TRPM3: variants seen among roughly 807,000 people sequenced by gnomAD.
The protein encoded by TRPM3 is long transient receptor potential channel 3.
A neutral mutation model predicts 181.2 loss-of-function variants in TRPM3; 77 were observed. The observed-to-expected ratio is 0.42, with a 90% CI of 0.35 to 0.51. TRPM3 has a LOEUF of 0.51. Among genes scored for constraint, TRPM3 ranks in the 20% least tolerant of loss-of-function variants. The probability of loss-of-function intolerance (pLI) is 0.01; values close to 1 mark genes in which losing one functional copy is unlikely to be tolerated. For synonymous variants in TRPM3, 745 were observed against 796.4 expected (o/e 0.94, Z 1.09); for missense variants, 1,759 against 2,196.7 (o/e 0.80, Z 3.98).
In TRPM3 at chr9:70,613,700, T is replaced by C. The variant is rs563500371; in HGVS notation, c.2526+2208A>G. Among the ~76,000 whole-genome samples, 4 of 152,336 alleles carry C rather than the reference T, an allele frequency of 2.6e-5. No individual in the cohort carries two copies. In the East Asian group the frequency reaches 5.8e-4, roughly 22 times the overall value. On this transcript the variant is annotated intron_variant, in intron 18 of 25. Coordinates refer to ENST00000677713, the MANE Select transcript of TRPM3 (RefSeq NM_001366145.2). Reference sequence around the variant, plus strand: ...CTGTTTCTGCCTGTGGAGAAGAAGCTTGGGCAGCAAAGCTCTTGCAGAACC... The same window carrying C: ...CTGTTTCTGCCTGTGGAGAAGAAGCCTGGGCAGCAAAGCTCTTGCAGAACC...
chr9:70,564,349 C>A (rs2049971034), intron 22 of TRPM3, among the ~76,000 whole-genome samples: 1 of 152,146 alleles, frequency 6.6e-6, no homozygotes, highest in South Asian at 2.1e-4. Flanking sequence ...CGCAACAATA[C>A]ACCTTTCTGA....
intron 1 of TRPM3, among the ~76,000 whole-genome samples, chr9:70,901,384 A>G (rs953281036): frequency 1.4e-4 from 21 of 152,264 alleles, no homozygotes; most frequent in African/African-American, 4.8e-4. Context: ...CACATTCTAA[A>G]GGCATATTTA....
intron 1 of TRPM3, among the ~76,000 whole-genome samples, chr9:71,134,961 G>A (rs1316711193): frequency 6.6e-6 from 1 of 152,004 alleles, no homozygotes; most frequent in African/African-American, 2.4e-5. Context: ...GAAAAGACTG[G>A]GCAAGAGGTA....
intron 7 of TRPM3, among the ~76,000 whole-genome samples, chr9:70,776,891 G>A (rs1253130529): frequency 6.6e-6 from 1 of 152,158 alleles, no homozygotes; most frequent in Admixed American, 6.6e-5. Context: ...ATCACCTGGG[G>A]TTTGGGTTTC....
At chr9:70,665,828 G>A (rs1225608526) in intron 9 of TRPM3, among the ~76,000 whole-genome samples, 1 of 152,112 alleles carries the variant, frequency 6.6e-6, no homozygotes, top group African/African-American at 2.4e-5. Flanking sequence ...GTATTTTCTG[G>A]AATTATTGCA....
chr9:71,088,199 G>T (rs1308346208), intron 1 of TRPM3, among the ~76,000 whole-genome samples: 1 of 152,114 alleles, frequency 6.6e-6, no homozygotes, highest in Admixed American at 6.6e-5. Flanking sequence ...CTGAGAGACA[G>T]AAGTATTTAT....
At chr9:71,438,417 C>G (rs771581254) in intron 1 of TRPM3, among the ~76,000 whole-genome samples, 11 of 151,990 alleles carry the variant, frequency 7.2e-5, no homozygotes, top group Admixed American at 3.3e-4. Context: ...TGCCTGTAAT[C>G]CCAGCACTTT....
chr9:70,964,169 C>A (rs926518292), intron 1 of TRPM3, among the ~76,000 whole-genome samples: 1 of 152,004 alleles, frequency 6.6e-6, no homozygotes, highest in African/African-American at 2.4e-5. Context: ...TTATTTATCC[C>A]AATTATGATT....
At chr9:70,895,166 T>C (rs984352866) in intron 1 of TRPM3, among the ~76,000 whole-genome samples, 2 of 152,196 alleles carry the variant, frequency 1.3e-5, no homozygotes, top group African/African-American at 4.8e-5. Context: ...TAGATATGGA[T>C]CCAGGTTCTG....
intron 1 of TRPM3, among the ~76,000 whole-genome samples, chr9:71,313,904 A>G (rs1368658263): frequency 6.6e-6 from 1 of 152,154 alleles, no homozygotes; most frequent in Admixed American, 6.6e-5. Context: ...CTCGGGCAAG[A>G]CTGTTAACAT....
intron 7 of TRPM3, among the ~76,000 whole-genome samples, chr9:70,768,982 T>A (rs2079673486): frequency 6.6e-6 from 1 of 152,212 alleles, no homozygotes; most frequent in Admixed American, 6.5e-5. Flanking sequence ...ATTCTCTATC[T>A]ACTTTGGTTT....
At chr9:71,153,807 C>G (rs2075854791) in intron 1 of TRPM3, among the ~76,000 whole-genome samples, 2 of 152,104 alleles carry the variant, frequency 1.3e-5, no homozygotes, top group Non-Finnish European at 2.9e-5. Flanking sequence ...CATCCCCCAA[C>G]AGGGAAATGA....
chr9:71,432,323 CTTTTTTTTTT>C (rs67905820), intron 1 of TRPM3, among the ~76,000 whole-genome samples: 1 of 76,618 alleles, frequency 1.3e-5, no homozygotes, highest in African/African-American at 4.8e-5. Context: ...AAAAGTAGGA[CTTTTTTTTTT>C]TTTTTTTTTT....
chr9:70,607,716 T>C (rs935206939), intron 19 of TRPM3, among the ~76,000 whole-genome samples: 1 of 152,176 alleles, frequency 6.6e-6, no homozygotes, highest in Non-Finnish European at 1.5e-5. Flanking sequence ...AAATTTGCAT[T>C]TCTAACAAAA....
intron 9 of TRPM3, among the ~76,000 whole-genome samples, chr9:70,679,042 A>T (rs952024048): frequency 3.3e-5 from 5 of 152,176 alleles, no homozygotes; most frequent in African/African-American, 1.2e-4. Flanking sequence ...TAGAAATGTT[A>T]ATTTCTTAGA....
intron 9 of TRPM3, among the ~76,000 whole-genome samples, chr9:70,677,169 T>C (rs1461673160): frequency 6.6e-6 from 1 of 152,130 alleles, no homozygotes; most frequent in Admixed American, 6.5e-5. Flanking sequence ...CAGTGTGCCA[T>C]GTCGGCTTAC....
intron 1 of TRPM3, among the ~76,000 whole-genome samples, chr9:71,100,753 G>A (rs974730023): frequency 1.4e-4 from 21 of 152,048 alleles, no homozygotes; most frequent in Admixed American, 1.3e-4. Context: ...CTTATTCAAC[G>A]AATATTTATA....
chr9:71,426,791 A>T (rs572867933), intron 1 of TRPM3, among the ~76,000 whole-genome samples: 1 of 152,250 alleles, frequency 6.6e-6, no homozygotes, highest in South Asian at 2.1e-4. Flanking sequence ...CTGTGCTAAA[A>T]GTTGTAAAGT....
At chr9:71,312,437 T>C (rs534593033) in intron 1 of TRPM3, among the ~76,000 whole-genome samples, 1 of 152,298 alleles carries the variant, frequency 6.6e-6, no homozygotes, top group East Asian at 1.9e-4. Flanking sequence ...TAAATTCTCA[T>C]TCATTGTTGA....
Sources: gnomAD v4.1 joint callset for allele counts (sites outside exome capture counted in the v4.1 genomes callset) on GRCh38, gnomAD v4.1.1 for gene constraint, MANE v1.5 for transcripts, NCBI Gene and HGNC (gene_info 2026-07-23, HGNC 2026-07-21) for gene names.